The following SLC9C1 variants were observed in gnomAD, a reference collection of about 807,000 sequenced individuals.
SLC9C1 encodes the protein sodium/hydrogen exchanger 10.
Under a neutral mutation model 140.9 loss-of-function variants are expected in SLC9C1, and 97 were observed. The ratio of observed to expected loss-of-function variants is 0.69; its 90% CI spans 0.58 to 0.82. SLC9C1 has a LOEUF of 0.82. SLC9C1 is among the 40% of genes least tolerant of loss of function. The pLI, the probability that SLC9C1 is intolerant of heterozygous loss-of-function variation, is 0.00. For missense variants in SLC9C1, 1,340 were observed against 1,389.3 expected (o/e 0.96, Z 0.56); for synonymous variants, 440 against 442.6 (o/e 0.99, Z 0.07).
rs374568643 is a variant in SLC9C1 at position 112,266,192 on chromosome 3, T to C, written c.878+46A>G. 80 of 1,304,774 alleles carry C rather than the reference T, an allele frequency of 6.1e-5. No individual in the cohort carries two copies. The African/African-American group carries it at 1.2e-3, about 19-fold the overall frequency. The allele number at this position is 1,304,774 out of a possible 1,614,324, so 80.8% of individuals were successfully genotyped here. On this transcript the variant is annotated intron_variant, in intron 8 of 28. Transcript: ENST00000305815. ...AGATATTGTTACTATTATAATATTA[T>C]AGCTTCCAGTGTATGAAATAAAGTC...
intron 20 of SLC9C1, among the ~76,000 whole-genome samples, chr3:112,190,354 G>T (rs1264703115): frequency 6.6e-6 from 1 of 152,024 alleles, no homozygotes; most frequent in Non-Finnish European, 1.5e-5. Context: ...CCTTCAGTAT[G>T]ATAACTGGCT....
intron 20 of SLC9C1, among the ~76,000 whole-genome samples, chr3:112,190,605 G>A (rs1486759622): frequency 1.3e-5 from 2 of 151,870 alleles, no homozygotes; most frequent in Non-Finnish European, 2.9e-5. Flanking sequence ...TGTATCTTTA[G>A]TTTTATTTCT....
Position 112,199,451 on chromosome 3 carries a change from TG to T in SLC9C1, c.2392del (p.His798ThrfsTer8), listed in dbSNP as rs1447920204. ...TTTCACAGTGACAGCAATTTCTGGG[TG>T]ATCATACTCTAAGTAGCCTAAAAAA... ...IKELGYLEYD[H>X]PEIAVTVKTK... On this transcript the variant is annotated frameshift_variant, in exon 20 of 29. Coordinates refer to ENST00000305815, the MANE Select transcript of SLC9C1 (RefSeq NM_183061.3). LOFTEE classifies it high-confidence loss of function. 1 of 1,590,994 alleles carries T rather than the reference TG, an allele frequency of 6.3e-7. No homozygotes were observed. The highest frequency in any genetic ancestry group is 8.5e-7 in the Non-Finnish European group (1 of 1,170,800).
At chr3:112,181,724 A>G (rs1400005617) in intron 21 of SLC9C1, among the ~76,000 whole-genome samples, 1 of 152,192 alleles carries the variant, frequency 6.6e-6, no homozygotes, top group Non-Finnish European at 1.5e-5. Flanking sequence ...TGGCCCCAAA[A>G]CCTACTTCTC....
chr3:112,239,257 G>T (rs1285492962), intron 12 of SLC9C1, among the ~76,000 whole-genome samples: 1 of 152,234 alleles, frequency 6.6e-6, no homozygotes, highest in Non-Finnish European at 1.5e-5. Flanking sequence ...TCCGAGCCAG[G>T]TGCGGGATAT....
chr3:112,269,738 G>GT (rs71134818), intron 7 of SLC9C1, among the ~76,000 whole-genome samples, 178 bp downstream of exon 7: 45,020 of 151,826 alleles, frequency 0.3, 7,233 homozygotes, highest in East Asian at 0.43. Flanking sequence ...TTGGTACATT[G>GT]TTTCTGTTGT....
intron 23 of SLC9C1, among the ~76,000 whole-genome samples, chr3:112,177,125 G>C (rs975898049): frequency 5.3e-5 from 8 of 150,934 alleles, no homozygotes; most frequent in Non-Finnish European, 1.2e-4. Flanking sequence ...TCCTGCCTCA[G>C]CCTTCTAAGT....
At position 112,239,888 on chromosome 3, in the gene SLC9C1, A is replaced by G. The variant is rs1425177592; in HGVS notation, c.1398T>C (p.Ala466=). The change falls in exon 12 of 29, where the codon GCT becomes GCC. Residue 466 remains alanine (A), a synonymous_variant. Transcript: ENST00000305815. ...TTGCTTTCTCAATCATGTTCCAATCAGCATTAGCAAGATCTTTGTCAAATT... is the reference window on the plus strand; with the variant it reads ...TTGCTTTCTCAATCATGTTCCAATCGGCATTAGCAAGATCTTTGTCAAATT... ...ALKFDKDLAN[A]DWNMIEKAIT... is the part of the protein sequence containing the mutation. The G allele has an allele frequency of 3.1e-6, 5 of 1,613,712 alleles. No individual in the cohort carries two copies. Among genetic ancestry groups the G allele is most frequent in the Non-Finnish European group, 4.2e-6 (5 of 1,179,930 alleles).
chr3:112,239,986 T>C lies in SLC9C1; in HGVS notation c.1300A>G (p.Thr434Ala). The change falls in exon 12 of 29, where the codon ACA (threonine) becomes GCA (alanine). Residue 434 changes from threonine to alanine, a missense_variant. Thr to Ala is a moderately conservative substitution (Grantham distance 58). Coordinates refer to ENST00000305815, the MANE Select transcript of SLC9C1 (RefSeq NM_183061.3). ...TILGLRDATS[T>A]KYKSVCCTFQ... Reference sequence around the variant, plus strand: ...GTGCAACAAACCGATTTATATTTTGTTGATGTGGCATCACGAAGACCTTTG... The same window carrying C: ...GTGCAACAAACCGATTTATATTTTGCTGATGTGGCATCACGAAGACCTTTG... 1 of 1,611,462 alleles carries C rather than the reference T, an allele frequency of 6.2e-7. No individual in the cohort carries two copies. The highest frequency in any genetic ancestry group is 1.3e-5 in the African/African-American group (1 of 75,000).
chr3:112,213,140 A>G (rs1353327858), intron 15 of SLC9C1, among the ~76,000 whole-genome samples: 1 of 152,226 alleles, frequency 6.6e-6, no homozygotes, highest in East Asian at 1.9e-4. Flanking sequence ...AAAATCCTTT[A>G]CAGAAAAGCA....
chr3:112,284,333 G>A (rs941325587), intron 2 of SLC9C1, among the ~76,000 whole-genome samples: 1 of 152,190 alleles, frequency 6.6e-6, no homozygotes, highest in African/African-American at 2.4e-5. Flanking sequence ...CAATCAGTTT[G>A]ACTAGCATTC....
intron 10 of SLC9C1, among the ~76,000 whole-genome samples, chr3:112,250,539 AG>A (rs1329746625): frequency 1.3e-5 from 2 of 151,568 alleles, no homozygotes; most frequent in African/African-American, 4.9e-5. Flanking sequence ...ACAGTGTAAA[AG>A]TGTTCCTATT....
At position 112,169,039 on chromosome 3, in the gene SLC9C1, T is replaced by C; in HGVS notation, c.3075A>G (p.Leu1025=). 1 of 1,595,592 alleles carries C rather than the reference T, an allele frequency of 6.3e-7. No individual in the cohort carries two copies. The highest frequency in any genetic ancestry group is 8.5e-7 in the Non-Finnish European group (1 of 1,174,282). Residue 1025 remains leucine (L), a synonymous_variant, in exon 25 of 29, where the codon CTA becomes CTG. Transcript: ENST00000305815. The part of the protein sequence containing the change: ...SYEDWNYNMQ[L]KLSNIYVVDI... ...CTACTACATAAATATTAGAGAGCTTTAGTTGCATATTGTAGTTCCAATCCT... is the reference window on the plus strand; with the variant it reads ...CTACTACATAAATATTAGAGAGCTTCAGTTGCATATTGTAGTTCCAATCCT...
At chr3:112,286,672 A>G (rs752714837) in intron 2 of SLC9C1, 32 bp downstream of exon 2, 1 of 1,544,416 alleles carries the variant, frequency 6.5e-7, no homozygotes, top group South Asian at 1.2e-5. Flanking sequence ...TACCGGAAGA[A>G]TAAACTCAGA....
chr3:112,140,951 T>C lies in SLC9C1; in HGVS notation c.*321A>G, dbSNP rs2074604319. ...TTTCATAAAGTGAACCAAACCATTA[T>C]TGCTGTAAGAGCAATATGCAAAATA... On this transcript the variant is annotated 3_prime_UTR_variant, in exon 29 of 29. Transcript: ENST00000305815. 4 of 247,018 alleles carry C rather than the reference T, an allele frequency of 1.6e-5. No homozygotes were observed. Among genetic ancestry groups the C allele is most frequent in the Non-Finnish European group, 2.3e-5 (3 of 129,678 alleles). The allele number at this position is 247,018 out of a possible 1,614,324, so 15.3% of individuals were successfully genotyped here. A position where few individuals can be genotyped will look rare whatever the true frequency, so the allele number is the denominator to read the frequency against.
intron 13 of SLC9C1, among the ~76,000 whole-genome samples, chr3:112,228,390 A>G (rs2078735797): frequency 1.3e-5 from 2 of 152,106 alleles, no homozygotes; most frequent in Admixed American, 1.3e-4. Context: ...ATATGAAAAT[A>G]AACTCAAAAT....
intron 26 of SLC9C1, among the ~76,000 whole-genome samples, chr3:112,158,566 A>G (rs1039116404): frequency 1.3e-5 from 2 of 151,874 alleles, no homozygotes; most frequent in African/African-American, 2.4e-5. Context: ...TTTCTCTTCA[A>G]TTTTTTGAAA....
chr3:112,256,664 G>A (rs1267205673), intron 10 of SLC9C1, among the ~76,000 whole-genome samples: 3 of 152,128 alleles, frequency 2.0e-5, no homozygotes, highest in Admixed American at 6.6e-5. Flanking sequence ...CACAAGACAA[G>A]GATGCCCTCT....
At chr3:112,190,064 G>A (rs566795750) in intron 20 of SLC9C1, among the ~76,000 whole-genome samples, 26 of 152,128 alleles carry the variant, frequency 1.7e-4, no homozygotes, top group Non-Finnish European at 3.4e-4. Context: ...GAATGCTTGT[G>A]ATTTTTGCAC....
Sources: allele counts gnomAD v4.1 joint callset (sites outside exome capture counted in the v4.1 genomes callset), GRCh38; gene constraint gnomAD v4.1.1; transcripts MANE v1.5; gene names NCBI Gene and HGNC (gene_info 2026-07-23, HGNC 2026-07-21).